The following JAKMIP3 variants were observed in gnomAD, a reference collection of about 807,000 sequenced individuals.
The protein encoded by JAKMIP3 is Janus kinase and microtubule interacting protein 3, also known as janus kinase and microtubule-interacting protein 3.
Under a neutral mutation model 118.5 loss-of-function variants are expected in JAKMIP3, and 58 were observed. That is an observed-to-expected ratio of 0.49 (90% CI 0.40 to 0.61). JAKMIP3 has a LOEUF of 0.61. Among genes scored for constraint, JAKMIP3 ranks in the 20% least tolerant of loss-of-function variants. The probability of loss-of-function intolerance (pLI) is 0.00; values close to 1 mark genes in which losing one functional copy is unlikely to be tolerated. For missense variants in JAKMIP3, 950 were observed against 1,109.0 expected (o/e 0.86, Z 2.04); for synonymous variants, 486 against 451.2 (o/e 1.08, Z -0.98).
At chr10:132,042,464 T>C (rs2037793279) in intron 1 of JAKMIP3, among the ~76,000 whole-genome samples, 1 of 152,168 alleles carries the variant, frequency 6.6e-6, no homozygotes, top group Non-Finnish European at 1.5e-5. Context: ...TGCCTCGATC[T>C]CCCAAAATGT....
At chr10:132,120,950 C>A (rs188815889) in intron 3 of JAKMIP3, among the ~76,000 whole-genome samples, 2 of 152,322 alleles carry the variant, frequency 1.3e-5, no homozygotes, top group East Asian at 1.9e-4. Flanking sequence ...GCGGGGGCAG[C>A]GGCACAGCGT....
intron 12 of JAKMIP3, 26 bp downstream of exon 12, chr10:132,145,216 C>T (rs772034995): frequency 1.1e-4 from 169 of 1,562,790 alleles, no homozygotes; most frequent in East Asian, 6.6e-4. Flanking sequence ...TCTGCACGGG[C>T]GTGGGGGCAC....
At position 132,080,579 on chromosome 10, in the gene JAKMIP3, T is replaced by G. The variant is rs12761201; in HGVS notation, c.-138+14518T>G. Among the ~76,000 whole-genome samples the G allele has an allele frequency of 3.2e-4, 44 of 138,116 alleles. 1 individual carries two copies. In the East Asian group the frequency reaches 7.3e-3, roughly 23 times the overall value. The allele number at this position is 138,116 out of a possible 152,430, so 90.6% of individuals were successfully genotyped here. A position where few individuals can be genotyped will look rare whatever the true frequency, so the allele number is the denominator to read the frequency against. ...CTCTGTCACCCAGGCTGGAGTGCAG[T>G]GGTGCAATGTCAGCTCACTGCAACC... is the stretch of plus-strand genomic sequence containing the variant. On this transcript the variant is annotated intron_variant, in intron 1 of 23. Transcript: ENST00000684848.
At chr10:132,159,548 CCCTGTGTGAT>C (rs2057639928) in intron 19 of JAKMIP3, among the ~76,000 whole-genome samples, 1 of 120,458 alleles carries the variant, frequency 8.3e-6, no homozygotes, top group African/African-American at 3.3e-5. Context: ...GAGGGTCTCT[CCCTGTGTGAT>C]GCTGGGGGGG....
chr10:132,135,334 A>T (rs1010987780), intron 5 of JAKMIP3, among the ~76,000 whole-genome samples, 174 bp downstream of exon 5: 2 of 152,198 alleles, frequency 1.3e-5, no homozygotes, highest in Non-Finnish European at 2.9e-5. Context: ...AAAAACAGGT[A>T]GGGGTCACAT....
intron 6 of JAKMIP3, 75 bp downstream of exon 6, chr10:132,136,151 A>G (rs2051722366): frequency 6.7e-7 from 1 of 1,502,640 alleles, no homozygotes; most frequent in Non-Finnish European, 9.1e-7. Context: ...TTCTCCACGC[A>G]AGATTTAGCA....
At chr10:132,101,283 C>G (rs1039767101) in intron 1 of JAKMIP3, among the ~76,000 whole-genome samples, 1 of 152,112 alleles carries the variant, frequency 6.6e-6, no homozygotes, top group Admixed American at 6.6e-5. Context: ...CCCAGGAAGT[C>G]GAGGCTACAG....
At chr10:132,151,551 G>T (rs916282088) in intron 16 of JAKMIP3, among the ~76,000 whole-genome samples, 1 of 152,222 alleles carries the variant, frequency 6.6e-6, no homozygotes, top group Non-Finnish European at 1.5e-5. Flanking sequence ...GACATCTCTG[G>T]GGTCCAGTCC....
rs368038825 is a variant in JAKMIP3, at chr10:132,147,980, G to A, written c.1778G>A (p.Arg593Gln). ...KIKQMETEEARLRHEVQDARD... is the reference protein window; with the variant it reads ...KIKQMETEEAQLRHEVQDARD... The stretch of plus-strand genomic sequence containing the variant: ...AAACAAATGGAGACGGAAGAGGCTC[G>A]GCTCAGACACGAGGTGCAGGACGCC... The change falls in exon 14 of 24, where the codon CGG becomes CAG. Residue 593 changes from arginine (R) to glutamine (Q), a missense_variant. By Grantham distance (43) the Arg-to-Gln change is conservative. Transcript: ENST00000684848. 1.5e-5 allele frequency: 24 copies of A among 1,610,080 alleles called. No individual in the cohort carries two copies. The African/African-American group carries it at 1.7e-4, about 12-fold the overall frequency.
chr10:132,140,627 G>T (rs377397710), intron 10 of JAKMIP3, 48 bp downstream of exon 10: 2 of 1,251,892 alleles, frequency 1.6e-6, no homozygotes, highest in African/African-American at 3.9e-5. Flanking sequence ...AGGTAACGAG[G>T]GTCTCCTGCC....
rs544289138 is a variant in JAKMIP3 at position 132,122,143 on chromosome 10, C to T, written c.633+4569C>T. On this transcript the variant is annotated intron_variant, in intron 3 of 23. Coordinates refer to ENST00000684848, the MANE Select transcript of JAKMIP3 (RefSeq NM_001323087.2). Reference sequence around the variant, plus strand: ...TTGGTAAAGAGCACAGCACCCCTGTCCCCGCAAAGGCCCAGAGTCAGAGGC... The same window carrying T: ...TTGGTAAAGAGCACAGCACCCCTGTTCCCGCAAAGGCCCAGAGTCAGAGGC... Among the ~76,000 whole-genome samples the T allele has an allele frequency of 9.1e-4, 139 of 152,366 alleles. 7 individuals are homozygous for T. The South Asian group carries it at 0.028, about 30-fold the overall frequency.
chr10:132,130,094 A>G (rs1435143782), intron 3 of JAKMIP3, among the ~76,000 whole-genome samples: 1 of 152,042 alleles, frequency 6.6e-6, no homozygotes, highest in Non-Finnish European at 1.5e-5. Flanking sequence ...CTAAAATGTC[A>G]CATTTCCCCC....
chr10:132,178,828 C>G (rs148224245), intron 23 of JAKMIP3, among the ~76,000 whole-genome samples: 41 of 152,362 alleles, frequency 2.7e-4, no homozygotes, highest in Non-Finnish European at 4.4e-4. Flanking sequence ...TGTTTCCAAA[C>G]AGTTGAGATC....
chr10:132,155,901 G>T (rs77354795), intron 19 of JAKMIP3, among the ~76,000 whole-genome samples: 2 of 152,136 alleles, frequency 1.3e-5, no homozygotes, highest in African/African-American at 4.8e-5. Flanking sequence ...CCAGGTGGCC[G>T]GGGACCTGTG....
chr10:132,056,344 C>T (rs890058633), intron 1 of JAKMIP3, among the ~76,000 whole-genome samples: 30 of 152,274 alleles, frequency 2.0e-4, no homozygotes, highest in Admixed American at 3.9e-4. Context: ...TTGGTTTAAT[C>T]GCAAGCTGTG....
chr10:132,139,376 GAGTA>G (rs1159951839), intron 9 of JAKMIP3, among the ~76,000 whole-genome samples: 17 of 17,932 alleles, frequency 9.5e-4, no homozygotes, highest in South Asian at 6.2e-3. Context: ...GTACGTGTGT[GAGTA>G]TGTGAGTGTA....
chr10:132,041,324 G>A (rs182225398), intron 1 of JAKMIP3, among the ~76,000 whole-genome samples: 3 of 152,352 alleles, frequency 2.0e-5, no homozygotes, highest in Admixed American at 2.0e-4. Flanking sequence ...GTGGAGAGCT[G>A]GCTGGGTCCG....
rs1590000919 is a variant in JAKMIP3 at position 132,046,093 on chromosome 10, C to T, written c.-138+9355C>T. Among the ~76,000 whole-genome samples, 3 of 152,270 alleles carry T rather than the reference C, an allele frequency of 2.0e-5. No homozygotes were observed. In the South Asian group the frequency reaches 6.2e-4, roughly 32 times the overall value. The stretch of plus-strand genomic sequence containing the variant: ...AACATAGCCATCAGCCTAGAAGGTT[C>T]CTGACACCCCCAGCTTCCACGCTCC... On this transcript the variant is annotated intron_variant, in intron 1 of 23. Transcript: ENST00000657785.
chr10:132,078,375 CTTT>C (rs1448793147), intron 1 of JAKMIP3, among the ~76,000 whole-genome samples: 1 of 151,382 alleles, frequency 6.6e-6, no homozygotes, highest in Non-Finnish European at 1.5e-5. Context: ...TTCCTTTTAT[CTTT>C]TTTAAGCCTA....
Sources: gnomAD v4.1 joint callset for allele counts (sites outside exome capture counted in the v4.1 genomes callset) on GRCh38, gnomAD v4.1.1 for gene constraint, MANE v1.5 for transcripts, NCBI Gene and HGNC (gene_info 2026-07-23, HGNC 2026-07-21) for gene names.